Variants in OPCML observed in about 807,000 individuals in gnomAD.
OPCML encodes the protein opioid binding protein/cell adhesion molecule like, also known as opioid-binding protein/cell adhesion molecule.
OPCML carries 13 observed loss-of-function variants against 37.8 expected under a neutral mutation model. That is an observed-to-expected ratio of 0.34 (90% CI 0.22 to 0.55). OPCML has a LOEUF of 0.55. OPCML is among the 20% of genes least tolerant of loss of function. The pLI, the probability that OPCML is intolerant of heterozygous loss-of-function variation, is 0.91. For missense variants in OPCML, 341 were observed against 435.6 expected (o/e 0.78, Z 1.93); for synonymous variants, 176 against 168.8 (o/e 1.04, Z -0.33).
At chr11:132,910,197 G>A (rs1158757026) in intron 2 of OPCML, among the ~76,000 whole-genome samples, 1 of 152,228 alleles carries the variant, frequency 6.6e-6, no homozygotes, top group Admixed American at 6.5e-5. Context: ...GTAAATCTCA[G>A]CCGCATTCCC....
chr11:132,876,308 C>T (rs762668350), intron 2 of OPCML, among the ~76,000 whole-genome samples: 2 of 152,196 alleles, frequency 1.3e-5, no homozygotes, highest in East Asian at 3.9e-4. Context: ...TCTTTCCATG[C>T]ACAACCTCTG....
intron 2 of OPCML, among the ~76,000 whole-genome samples, chr11:132,806,524 C>T (rs1008730212): frequency 6.6e-6 from 1 of 151,938 alleles, no homozygotes; most frequent in Non-Finnish European, 1.5e-5. Context: ...TGAAATAGTG[C>T]ATGATAAAAG....
At chr11:133,106,926 A>G (rs1949168099) in intron 1 of OPCML, among the ~76,000 whole-genome samples, 1 of 152,290 alleles carries the variant, frequency 6.6e-6, no homozygotes. Flanking sequence ...AGAGGCAGAG[A>G]CAGGCCCTTT....
intron 2 of OPCML, among the ~76,000 whole-genome samples, chr11:132,895,535 T>C (rs1943806327): frequency 6.6e-6 from 1 of 152,152 alleles, no homozygotes; most frequent in Admixed American, 6.5e-5. Flanking sequence ...TCCGCAGGCG[T>C]CTGTGGTTAA....
chr11:132,532,639 T>C (rs1176834402), intron 3 of OPCML, among the ~76,000 whole-genome samples: 1 of 152,114 alleles, frequency 6.6e-6, no homozygotes, highest in African/African-American at 2.4e-5. Context: ...ACACAGTATT[T>C]CCATCCAGAA....
In OPCML at chr11:132,693,848, G is replaced by A. The variant is rs112551028; in HGVS notation, c.147-36529C>T. Among the ~76,000 whole-genome samples the A allele has an allele frequency of 3.3e-5, 5 of 152,192 alleles. 1 individual carries two copies. The highest frequency in any genetic ancestry group is 6.5e-5 in the Admixed American group (1 of 15,286). ...GCTAGAAATAATCAAGGGCCACCAC[G>A]GAGAGGTCCAGACACATCTGGACAC... On this transcript the variant is annotated intron_variant, in intron 2 of 7. Transcript: ENST00000524381.
At chr11:133,369,139 C>T (rs1029590050) in intron 1 of OPCML, among the ~76,000 whole-genome samples, 1 of 152,168 alleles carries the variant, frequency 6.6e-6, no homozygotes. Context: ...CATTAGTCTG[C>T]CCTCTTATTT....
At chr11:133,388,478 T>C (rs1236291257) in intron 1 of OPCML, among the ~76,000 whole-genome samples, 1 of 152,174 alleles carries the variant, frequency 6.6e-6, no homozygotes, top group Non-Finnish European at 1.5e-5. Flanking sequence ...GGGAACAGTA[T>C]GGGGACAATT....
In OPCML at chr11:133,042,500, T is replaced by G. The variant is rs559730009; in HGVS notation, c.62-99490A>C. ...CAAACGGTGCAGTAGGGAATGTAAG[T>G]GCTGGTGTTGTATCCACAGAAATCC... On this transcript the variant is annotated intron_variant, in intron 1 of 7. Coordinates refer to ENST00000524381, the MANE Select transcript of OPCML (RefSeq NM_001012393.5). Among the ~76,000 whole-genome samples the G allele has an allele frequency of 2.6e-5, 4 of 152,240 alleles. No homozygotes were observed. In the South Asian group the frequency reaches 8.3e-4, roughly 32 times the overall value.
intron 1 of OPCML, among the ~76,000 whole-genome samples, chr11:133,493,456 CTT>C (rs997060721): frequency 6.6e-6 from 1 of 152,028 alleles, no homozygotes. Flanking sequence ...TACATGCATA[CTT>C]TTTTTTACAG....
At chr11:133,220,623 C>A (rs1422131550) in intron 1 of OPCML, among the ~76,000 whole-genome samples, 10 of 152,198 alleles carry the variant, frequency 6.6e-5, no homozygotes, top group African/African-American at 2.4e-4. Context: ...GTAGCAAATG[C>A]TCCGTGTTTC....
chr11:132,666,471 C>T (rs1363714243), intron 2 of OPCML, among the ~76,000 whole-genome samples: 1 of 152,198 alleles, frequency 6.6e-6, no homozygotes, highest in Admixed American at 6.5e-5. Context: ...CCAAGCCCCA[C>T]TCCAATCTTG....
intron 1 of OPCML, among the ~76,000 whole-genome samples, chr11:133,154,149 A>G (rs4328223): frequency 0.48 from 72,030 of 151,392 alleles, 19,007 homozygotes; most frequent in African/African-American, 0.71. Flanking sequence ...GGATGTGCGG[A>G]GCAGGATGGA....
At chr11:132,422,781 CTATG>C (rs1347986211) in intron 7 of OPCML, among the ~76,000 whole-genome samples, 1 of 152,230 alleles carries the variant, frequency 6.6e-6, no homozygotes, top group Non-Finnish European at 1.5e-5. Flanking sequence ...TCCTCAGAAT[CTATG>C]CCCTTAATTG....
At chr11:133,053,144 G>C (rs971470666) in intron 1 of OPCML, among the ~76,000 whole-genome samples, 1 of 152,176 alleles carries the variant, frequency 6.6e-6, no homozygotes, top group African/African-American at 2.4e-5. Flanking sequence ...TCATTCACCA[G>C]ATTTGGGACC....
At chr11:133,287,539 GA>G (rs35418402) in intron 1 of OPCML, among the ~76,000 whole-genome samples, 54,808 of 114,958 alleles carry the variant, frequency 0.48, 11,764 homozygotes, top group East Asian at 0.76. Context: ...GGAATGTTCA[GA>G]AAAAAAAAAA....
intron 3 of OPCML, among the ~76,000 whole-genome samples, chr11:132,584,129 G>T (rs1018772250): frequency 1.3e-5 from 2 of 151,980 alleles, no homozygotes; most frequent in Non-Finnish European, 2.9e-5. Flanking sequence ...AAAAAATTAC[G>T]GGAATTTGTG....
At chr11:132,692,529 G>A (rs1482793719) in intron 2 of OPCML, among the ~76,000 whole-genome samples, 1 of 152,162 alleles carries the variant, frequency 6.6e-6, no homozygotes, top group Non-Finnish European at 1.5e-5. Context: ...CACTTTGGTG[G>A]AAAATTGATA....
intron 1 of OPCML, chr11:133,421,888 C>T (rs2136895727): frequency 1.8e-6 from 1 of 563,086 alleles, no homozygotes; most frequent in Non-Finnish European, 2.3e-6. Context: ...CAGTGAGAAA[C>T]AATAATTATT....
Sources: gnomAD v4.1 joint callset for allele counts (sites outside exome capture counted in the v4.1 genomes callset) on GRCh38, gnomAD v4.1.1 for gene constraint, MANE v1.5 for transcripts, NCBI Gene and HGNC (gene_info 2026-07-23, HGNC 2026-07-21) for gene names.